OXR1: variants seen among roughly 807,000 people sequenced by gnomAD.
OXR1 encodes oxidation resistance protein 1.
In OXR1, 41 loss-of-function variants were observed where a neutral mutation model predicts 104.6. That is an observed-to-expected ratio of 0.39 (90% CI 0.31 to 0.51). The LOEUF (loss-of-function observed/expected upper bound fraction) is 0.51. OXR1 is among the 20% of genes least tolerant of loss of function. The pLI is 0.77. For synonymous variants in OXR1, 348 were observed against 348.4 expected (o/e 1.00, Z 0.01); for missense variants, 955 against 1,031.9 (o/e 0.93, Z 1.02).
chr8:106,658,122 G>A (rs1163522693), intron 3 of OXR1: 3 of 1,246,898 alleles, frequency 2.4e-6, no homozygotes, highest in Non-Finnish European at 3.0e-6. Context: ...GCCAGCCCAG[G>A]GGGACCTCGG....
chr8:106,640,370 A>G (rs530146358), intron 3 of OXR1, among the ~76,000 whole-genome samples: 2 of 151,280 alleles, frequency 1.3e-5, no homozygotes, highest in East Asian at 1.9e-4. Context: ...ACACAAATAT[A>G]TGCATATGTA....
intron 2 of OXR1, among the ~76,000 whole-genome samples, chr8:106,468,745 C>T (rs1199961656): frequency 6.6e-6 from 1 of 151,642 alleles, no homozygotes; most frequent in Admixed American, 6.6e-5. Flanking sequence ...GAACGGATTG[C>T]AGTTGGACAA....
intron 1 of OXR1, among the ~76,000 whole-genome samples, chr8:106,343,316 C>T (rs1278169923): frequency 1.3e-5 from 2 of 152,192 alleles, no homozygotes. Flanking sequence ...TTTGTCATTT[C>T]CAAATAGCAG....
intron 2 of OXR1, among the ~76,000 whole-genome samples, chr8:106,514,351 C>A (rs1812729681): frequency 6.6e-6 from 1 of 152,074 alleles, no homozygotes; most frequent in Non-Finnish European, 1.5e-5. Flanking sequence ...CCACAATACT[C>A]ATTTTTAGAA....
At chr8:106,554,495 C>T (rs1046971386) in intron 3 of OXR1, among the ~76,000 whole-genome samples, 1 of 152,168 alleles carries the variant, frequency 6.6e-6, no homozygotes, top group African/African-American at 2.4e-5. Flanking sequence ...TCAAATAAGA[C>T]CGGTAGATTA....
In OXR1 at chr8:106,664,163, C is replaced by A. The variant is rs547209307; in HGVS notation, c.221-15047C>A. On this transcript the variant is annotated intron_variant, in intron 3 of 16. Transcript: ENST00000517566. Reference sequence around the variant, plus strand: ...GGTTCTCAGGCATGAGGTTGATTTGCCTGTTTTAGAATTGCTGCTTGTCTC... The same window carrying A: ...GGTTCTCAGGCATGAGGTTGATTTGACTGTTTTAGAATTGCTGCTTGTCTC... Among the ~76,000 whole-genome samples, 16 of 152,274 alleles carry A rather than the reference C, an allele frequency of 1.1e-4. 2 individuals carry two copies. The South Asian group carries it at 3.3e-3, about 32-fold the overall frequency.
chr8:106,616,637 G>T (rs1334475557), intron 3 of OXR1, among the ~76,000 whole-genome samples: 1 of 152,140 alleles, frequency 6.6e-6, no homozygotes. Flanking sequence ...GGAGTTGTCA[G>T]AACTTGGCCA....
intron 3 of OXR1, among the ~76,000 whole-genome samples, chr8:106,605,660 G>T (rs1820321168): frequency 6.6e-6 from 1 of 151,460 alleles, no homozygotes; most frequent in African/African-American, 2.4e-5. Context: ...AAATTAGGCG[G>T]GCATGGTGGG....
intron 3 of OXR1, among the ~76,000 whole-genome samples, chr8:106,538,696 C>G (rs78380433): frequency 0.017 from 2,560 of 152,248 alleles, 55 homozygotes; most frequent in East Asian, 0.098. Flanking sequence ...AACATGTATG[C>G]TCTTTGTTTT....
intron 1 of OXR1, among the ~76,000 whole-genome samples, chr8:106,342,245 C>CT (rs1391248737): frequency 6.7e-6 from 1 of 148,808 alleles, no homozygotes; most frequent in Non-Finnish European, 1.5e-5. Flanking sequence ...CTTTTCTTTT[C>CT]TTTTTTCTTT....
At chr8:106,714,532 A>C (rs1401093407) in intron 11 of OXR1, among the ~76,000 whole-genome samples, 2 of 152,092 alleles carry the variant, frequency 1.3e-5, no homozygotes, top group Non-Finnish European at 2.9e-5. Context: ...AAGTAGTAGA[A>C]ATTTTATATG....
intron 3 of OXR1, among the ~76,000 whole-genome samples, chr8:106,606,553 C>G (rs1244373590): frequency 6.6e-6 from 1 of 150,790 alleles, no homozygotes; most frequent in Non-Finnish European, 1.5e-5. Context: ...CTCAAATGAT[C>G]CGCCCGCTTC....
Position 106,313,094 on chromosome 8 carries a change from A to G in OXR1, c.-139+42727A>G, listed in dbSNP as rs550577797. 2.0e-5 allele frequency among the ~76,000 whole-genome samples: 3 copies of G among 152,260 alleles called. No individual in the cohort carries two copies. The South Asian group carries it at 6.2e-4, about 32-fold the overall frequency. On this transcript the variant is annotated intron_variant, in intron 1 of 16. Transcript: ENST00000517566. Reference sequence around the variant, plus strand: ...AGAGAGCATCTTTATTTTTTTCTCCAGTAGTCATTTCTTATTTTTTTTTAA... The same window carrying G: ...AGAGAGCATCTTTATTTTTTTCTCCGGTAGTCATTTCTTATTTTTTTTTAA...
intron 2 of OXR1, among the ~76,000 whole-genome samples, chr8:106,422,854 A>G (rs1274991407): frequency 6.6e-6 from 1 of 152,148 alleles, no homozygotes; most frequent in Non-Finnish European, 1.5e-5. Flanking sequence ...ATTACATTTC[A>G]CTGCACTTAA....
intron 3 of OXR1, among the ~76,000 whole-genome samples, chr8:106,571,295 G>T (rs1023912634): frequency 3.3e-5 from 5 of 152,044 alleles, no homozygotes; most frequent in African/African-American, 1.2e-4. Context: ...TTGGGTTCTT[G>T]TGAAGGCTCT....
In OXR1 at chr8:106,739,601, A is replaced by T; in HGVS notation, c.2163+18A>T. The T allele has an allele frequency of 6.2e-7, 1 of 1,611,564 alleles. No homozygotes were observed. The highest frequency in any genetic ancestry group is 1.1e-5 in the South Asian group (1 of 91,018). Reference sequence around the variant, plus strand: ...TTGAAAAGGTATGACATGCTCACATATGTGCATTTCTGAGTGTGAGTGTGT... The same window carrying T: ...TTGAAAAGGTATGACATGCTCACATTTGTGCATTTCTGAGTGTGAGTGTGT... On this transcript the variant is annotated intron_variant, in intron 13 of 16. Coordinates refer to ENST00000517566, the MANE Select transcript of OXR1 (RefSeq NM_001198533.2).
At chr8:106,717,092 A>C (rs975684347) in intron 11 of OXR1, among the ~76,000 whole-genome samples, 8 of 152,186 alleles carry the variant, frequency 5.3e-5, no homozygotes, top group Non-Finnish European at 8.8e-5. Context: ...AGGCTGAGGC[A>C]GGAGAATCAC....
chr8:106,659,786 G>A (rs1283373208), intron 3 of OXR1, among the ~76,000 whole-genome samples: 1 of 152,216 alleles, frequency 6.6e-6, no homozygotes, highest in Non-Finnish European at 1.5e-5. Context: ...TTTGAGCCCA[G>A]GAGGAGAATC....
intron 10 of OXR1, among the ~76,000 whole-genome samples, chr8:106,713,513 T>C (rs775668553): frequency 9.2e-5 from 14 of 151,950 alleles, no homozygotes; most frequent in Non-Finnish European, 1.3e-4. Context: ...AAGTTGTGTA[T>C]CTAATTTCCT....
Sources: gnomAD v4.1 joint callset for allele counts (sites outside exome capture counted in the v4.1 genomes callset) on GRCh38, gnomAD v4.1.1 for gene constraint, MANE v1.5 for transcripts, NCBI Gene and HGNC (gene_info 2026-07-23, HGNC 2026-07-21) for gene names.